The following RNH1 variants were observed in gnomAD, a reference collection of about 807,000 sequenced individuals.
RNH1 encodes ribonuclease inhibitor.
In RNH1, 38 loss-of-function variants were observed where a neutral mutation model predicts 46.1. The observed-to-expected ratio is 0.82, with a 90% CI of 0.64 to 1.08. RNH1 has a LOEUF of 1.08. Among genes scored for constraint, RNH1 ranks in the 50% least tolerant of loss-of-function variants. The probability of loss-of-function intolerance (pLI) is 0.00; values close to 1 mark genes in which losing one functional copy is unlikely to be tolerated. For synonymous variants in RNH1, 319 were observed against 279.1 expected, an observed-to-expected ratio of 1.14 and a Z score of -1.43; for missense variants, 577 against 590.7, an observed-to-expected ratio of 0.98 and a Z score of 0.24.
In RNH1 at chr11:494,777, G is replaced by C. The variant is rs1399187695; in HGVS notation, c.1300C>G (p.Leu434Val). ...QPGCLLEQLV[L>V]YDIYWSEEME... ...TCCTCAGACCAGTAAATGTCGTACA[G>C]GCTGCACACAGGCCAGAAGGGAGGC... Residue 434 changes from leucine to valine, a missense_variant and splice_region_variant, in exon 11 of 11, where the codon CTG becomes GTG. Coordinates refer to ENST00000354420, the MANE Select transcript of RNH1 (RefSeq NM_203387.3). 12 of 1,613,802 alleles carry C rather than the reference G, an allele frequency of 7.4e-6. No individual in the cohort carries two copies. The highest frequency in any genetic ancestry group is 1.0e-5 in the Non-Finnish European group (12 of 1,179,992).
At chr11:500,273 G>T (rs1380082856) in intron 4 of RNH1, 2 of 687,834 alleles carry the variant, frequency 2.9e-6, no homozygotes, top group Non-Finnish European at 4.8e-6. Flanking sequence ...GCCAGATCTT[G>T]GGTGCGGGGG....
rs1225384334 is a variant in RNH1 at position 501,642 on chromosome 11, G to A, written c.101+420C>T. ...CGGCCCACCCAGGCACTCGTGTCCTGCTTGTGAAGCTGCTGGGTTTGTGAG... is the reference window on the plus strand; with the variant it reads ...CGGCCCACCCAGGCACTCGTGTCCTACTTGTGAAGCTGCTGGGTTTGTGAG... On this transcript the variant is annotated intron_variant, in intron 3 of 10. Transcript: ENST00000354420. This position sits in a 1 kb window ranked among gnomAD's most constrained non-coding sequence, Gnocchi z 4.1. 5.3e-6 allele frequency: 1 copy of A among 189,454 alleles called. No homozygotes were observed. 11.7% of individuals were successfully genotyped at this position (189,454 alleles called of 1,614,324 possible).
intron 9 of RNH1, 38 bp from the exon 10 acceptor site, chr11:495,091 G>A: frequency 6.3e-7 from 1 of 1,579,742 alleles, no homozygotes; most frequent in Non-Finnish European, 8.6e-7. Flanking sequence ...TGCCGGGCGT[G>A]CCTGGCACCG....
chr11:497,615 TCA>T (rs1304196345), intron 9 of RNH1, among the ~76,000 whole-genome samples: 1 of 141,198 alleles, frequency 7.1e-6, no homozygotes, highest in African/African-American at 2.8e-5. Context: ...ACCCTCGTGC[TCA>T]CTCTCACGTG....
Position 498,792 on chromosome 11 carries a change from GAGCAGCCCTGGGCAC to G in RNH1, c.741_755del (p.Cys248_Leu252del). 1 of 1,605,316 alleles carries G rather than the reference GAGCAGCCCTGGGCAC, an allele frequency of 6.2e-7. No individual in the cohort carries two copies. The highest frequency in any genetic ancestry group is 8.5e-7 in the Non-Finnish European group (1 of 1,179,198). On this transcript the variant is annotated inframe_deletion, in exon 7 of 11. Transcript: ENST00000354420. ...GGGTCCTGAGCCTGGAGCTGGGGTG[GAGCAGCCCTGGGCAC>G]AGCTCCGCCATGCCCACATCACCCA...
chr11:500,806 G>A (rs760793701), intron 3 of RNH1, 152 bp from the exon 4 acceptor site: 7 of 907,788 alleles, frequency 7.7e-6, no homozygotes, highest in Non-Finnish European at 8.7e-6. Context: ...ACAAAAAGGA[G>A]GAACTGTTCC....
At chr11:500,079 A>G (rs1272235478) in intron 4 of RNH1, 80 bp from the exon 5 acceptor site, 3 of 1,429,326 alleles carry the variant, frequency 2.1e-6, no homozygotes, top group Non-Finnish European at 2.8e-6. Context: ...CAGAGCCCGG[A>G]GCAGCACTCT....
chr11:498,837 G>T lies in RNH1; in HGVS notation c.711C>A (p.Asn237Lys). ...CCGCCATGCCCACATCACCCAGCTT[G>T]TTGCTGCCCAGGGCCAGCTCCCGCA... Reference protein sequence around the residue: ...ASLRELALGSNKLGDVGMAEL... With the variant: ...ASLRELALGSKKLGDVGMAEL... Residue 237 changes from asparagine to lysine, a missense_variant, in exon 7 of 11, where the codon AAC (asparagine) becomes AAA (lysine). Coordinates refer to ENST00000354420, the MANE Select transcript of RNH1 (RefSeq NM_203387.3). 1 of 1,610,930 alleles carries T rather than the reference G, an allele frequency of 6.2e-7. No homozygotes were observed. The highest frequency in any genetic ancestry group is 1.1e-5 in the South Asian group (1 of 90,942).
At position 495,804 on chromosome 11, in the gene RNH1, C is replaced by T. The variant is rs545681324; in HGVS notation, c.1128-751G>A. Among the ~76,000 whole-genome samples the T allele has an allele frequency of 3.3e-5, 5 of 152,278 alleles. No individual in the cohort carries two copies. In the East Asian group the frequency reaches 7.7e-4, roughly 24 times the overall value. On this transcript the variant is annotated intron_variant, in intron 9 of 10. Coordinates refer to ENST00000354420, the MANE Select transcript of RNH1 (RefSeq NM_203387.3). ...GCCCTCGAGAAACGCAGCCATGACT[C>T]GGCCTGCAGGGCTCACTGTCCAGGG...
In RNH1 at chr11:501,825, C is replaced by T; in HGVS notation, c.101+237G>A. 1 of 547,586 alleles carries T rather than the reference C, an allele frequency of 1.8e-6. No homozygotes were observed. Among genetic ancestry groups the T allele is most frequent in the Non-Finnish European group, 3.3e-6 (1 of 303,694 alleles). 33.9% of individuals were successfully genotyped at this position (547,586 alleles called of 1,614,324 possible). On this transcript the variant is annotated intron_variant, in intron 3 of 10. Coordinates refer to ENST00000354420, the MANE Select transcript of RNH1 (RefSeq NM_203387.3). The surrounding 1 kb of genome is among the most constrained non-coding windows in gnomAD (Gnocchi z 4.1). ...GAGCCAGAGACCCACTGGCCAGTGG[C>T]CGCCCACCTCGGCCCGCCCACCTCA...
rs1565031082 is a variant in RNH1, at chr11:499,977, C to T, written c.295G>A (p.Gly99Arg). 9 of 1,583,462 alleles carry T rather than the reference C, an allele frequency of 5.7e-6. No homozygotes were observed. The highest frequency in any genetic ancestry group is 7.7e-6 in the Non-Finnish European group (9 of 1,166,262). The change falls in exon 5 of 11, where the codon GGG becomes AGG. Residue 99 changes from glycine to arginine, a missense_variant. Physicochemically the swap from Gly to Arg is moderately radical, Grantham distance 125. Coordinates refer to ENST00000354420, the MANE Select transcript of RNH1 (RefSeq NM_203387.3). ...CTGGACAGGACCCCGCAGCCGGCCC[C>T]CGTCAGGCAGCAGTTCTGGAGGCTG... ...KLSLQNCCLT[G>R]AGCGVLSSTL...
At chr11:503,794 G>A (rs1849973386) in intron 2 of RNH1, among the ~76,000 whole-genome samples, 1 of 152,136 alleles carries the variant, frequency 6.6e-6, no homozygotes, top group African/African-American at 2.4e-5. Context: ...GTGACCATCT[G>A]CAACTAGCGC....
intron 3 of RNH1, 31 bp from the exon 4 acceptor site, chr11:500,685 A>G (rs1204426363): frequency 6.3e-7 from 1 of 1,599,860 alleles, no homozygotes; most frequent in Non-Finnish European, 8.5e-7. Context: ...CATGTGGACC[A>G]CGCAGACAGC....
At position 504,070 on chromosome 11, in the gene RNH1, C is replaced by T. The variant is rs568879950; in HGVS notation, c.-88+754G>A. Among the ~76,000 whole-genome samples the T allele has an allele frequency of 3.9e-5, 6 of 152,340 alleles. No homozygotes were observed. In the East Asian group the frequency reaches 1.2e-3, roughly 29 times the overall value. The stretch of plus-strand genomic sequence containing the variant: ...ACAGAGGCCCTAACGGTCCCTTATC[C>T]GGAGACCAGACTTTCTCAACCTTAC... On this transcript the variant is annotated intron_variant, in intron 2 of 10. Coordinates refer to ENST00000354420, the MANE Select transcript of RNH1 (RefSeq NM_203387.3).
Position 502,120 on chromosome 11 carries a change from G to GC in RNH1, c.42dup (p.Leu15AlafsTer5). The stretch of plus-strand genomic sequence containing the variant: ...AGCTCGGCCCATCTAGCGTCGCTCA[G>GC]CTCCTCACACTGGATGTCCAGGCTC... On this transcript the variant is annotated frameshift_variant, in exon 3 of 11. Coordinates refer to ENST00000354420, the MANE Select transcript of RNH1 (RefSeq NM_203387.3). LOFTEE classifies it high-confidence loss of function. This position sits in a 1 kb window ranked among gnomAD's most constrained non-coding sequence, Gnocchi z 5.8. 6.2e-7 allele frequency: 1 copy of GC among 1,612,082 alleles called. No homozygotes were observed. The highest frequency in any genetic ancestry group is 8.5e-7 in the Non-Finnish European group (1 of 1,179,384).
At position 498,618 on chromosome 11, in the gene RNH1, C is replaced by T. The variant is rs545082371; in HGVS notation, c.795G>A (p.Glu265=). ...CGCAGCCCTTGGCAGTGATGCCACA[C>T]TCCCAGATCCTGCAGGACATGGACC... The part of the protein sequence containing the change: ...SSRLRTLWIW[E]CGITAKGCGD... The change falls in exon 8 of 11, where the codon GAG becomes GAA. Residue 265 remains glutamate (E), a synonymous_variant. Coordinates refer to ENST00000354420, the MANE Select transcript of RNH1 (RefSeq NM_203387.3). The T allele has an allele frequency of 6.3e-5, 101 of 1,612,312 alleles. 1 individual carries two copies. The South Asian group carries it at 1.0e-3, about 16-fold the overall frequency.
In RNH1 at chr11:500,648, G is replaced by T. The variant is rs147473996; in HGVS notation, c.108C>A (p.Asp36Glu). Residue 36 changes from aspartate (D) to glutamate (E), a missense_variant, in exon 4 of 11, where the codon GAC becomes GAA. Physicochemically the swap from Asp to Glu is conservative, Grantham distance 45. Coordinates refer to ENST00000354420, the MANE Select transcript of RNH1 (RefSeq NM_203387.3). ...ACCGTGCTTCCGTGAGGCCACAGTC[G>T]TCCAGCCTGTGAGCAGACCCCAGGG... ...LLQQCQVVRL[D>E]DCGLTEARCK... The T allele has an allele frequency of 3.1e-6, 5 of 1,604,748 alleles. No individual in the cohort carries two copies. Among genetic ancestry groups the T allele is most frequent in the Non-Finnish European group, 4.2e-6 (5 of 1,179,908 alleles).
At chr11:500,030 C>G in intron 4 of RNH1, 31 bp from the exon 5 acceptor site, 3 of 1,509,210 alleles carry the variant, frequency 2.0e-6, no homozygotes, top group Non-Finnish European at 2.7e-6. Flanking sequence ...AGCAGGGCTC[C>G]CCTGAGCCAA....
At chr11:505,170 CTG>C (rs1297964676) in intron 1 of RNH1, 174 bp from the exon 2 acceptor site, 12 of 152,166 alleles carry the variant, frequency 7.9e-5, no homozygotes, top group Admixed American at 7.9e-4. Context: ...CCCCTGAGGG[CTG>C]TGTCACCGGC....
Sources: allele counts gnomAD v4.1 joint callset (sites outside exome capture counted in the v4.1 genomes callset), GRCh38; gene constraint gnomAD v4.1.1; non-coding constraint Gnocchi (gnomAD v3.1); transcripts MANE v1.5; gene names NCBI Gene and HGNC (gene_info 2026-07-23, HGNC 2026-07-21).